Variants in CRB1 observed in about 807,000 individuals in gnomAD.
CRB1 encodes the protein protein crumbs homolog 1.
A neutral mutation model predicts 120.0 loss-of-function variants in CRB1; 83 were observed. That is an observed-to-expected ratio of 0.69 (90% CI 0.58 to 0.83). CRB1 has a LOEUF of 0.83. Ranked by LOEUF, CRB1 falls within the 40% of genes least tolerant of loss-of-function variation. The probability of loss-of-function intolerance (pLI) is 0.00; values close to 1 mark genes in which losing one functional copy is unlikely to be tolerated. For synonymous variants in CRB1, 625 were observed against 612.5 expected, an observed-to-expected ratio of 1.02 and a Z score of -0.30; for missense variants, 1,699 against 1,687.6, an observed-to-expected ratio of 1.01 and a Z score of -0.12.
intron 5 of CRB1, among the ~76,000 whole-genome samples, chr1:197,411,984 C>A (rs899063979): frequency 6.6e-6 from 1 of 152,174 alleles, no homozygotes; most frequent in African/African-American, 2.4e-5. Flanking sequence ...CAGCCTCCCC[C>A]TAGCAGAGCA....
rs972072957 is a variant in CRB1, at chr1:197,345,502, CTTTTTT to C, written c.848+1045_848+1050del. Among the ~76,000 whole-genome samples, 890 of 90,572 alleles carry C rather than the reference CTTTTTT, an allele frequency of 9.8e-3. 5 individuals are homozygous for C. The highest frequency in any genetic ancestry group is 0.014 in the Non-Finnish European group (671 of 48,588). The allele number at this position is 90,572 out of a possible 152,430, so 59.4% of individuals were successfully genotyped here. On this transcript the variant is annotated intron_variant, in intron 3 of 11. Transcript: ENST00000367400. ...CTTCAAAAATTTGCAAAAATAATGA[CTTTTTT>C]TTTTTTTTTTTTTTTTTTGAGATGG...
intron 1 of CRB1, among the ~76,000 whole-genome samples, chr1:197,298,002 A>G (rs1196209514): frequency 6.6e-6 from 1 of 152,028 alleles, no homozygotes; most frequent in East Asian, 1.9e-4. Context: ...GTGAGAATAG[A>G]TGGTGAACAT....
intron 1 of CRB1, among the ~76,000 whole-genome samples, chr1:197,308,910 G>GTA (rs1364786759): frequency 6.7e-6 from 1 of 149,504 alleles, no homozygotes; most frequent in Non-Finnish European, 1.5e-5. Flanking sequence ...ATATATGTGG[G>GTA]TATATATATG....
chr1:197,350,737 G>C (rs747467752), intron 4 of CRB1, among the ~76,000 whole-genome samples: 1 of 152,118 alleles, frequency 6.6e-6, no homozygotes, highest in Non-Finnish European at 1.5e-5. Flanking sequence ...GATCAAAGAG[G>C]CACCATTTTA....
the CRB1 span, among the ~76,000 whole-genome samples, chr1:197,226,068 C>G: frequency 6.6e-6 from 1 of 151,808 alleles, no homozygotes; most frequent in Non-Finnish European, 1.5e-5. Flanking sequence ...GCCCAACTAA[C>G]TTTTGTATCT....
intron 1 of CRB1, among the ~76,000 whole-genome samples, chr1:197,287,624 T>G (rs1248414990): frequency 6.6e-6 from 1 of 151,654 alleles, no homozygotes; most frequent in Non-Finnish European, 1.5e-5. Flanking sequence ...AAAGAAGATG[T>G]TAGAGACAGT....
the CRB1 span, among the ~76,000 whole-genome samples, chr1:197,207,915 T>A: frequency 2.6e-5 from 4 of 151,928 alleles, no homozygotes; most frequent in South Asian, 2.1e-4. Flanking sequence ...GCTCTTTTTT[T>A]AAATTATTTT....
chr1:197,319,724 A>G (rs1421052438), intron 1 of CRB1, among the ~76,000 whole-genome samples: 1 of 152,100 alleles, frequency 6.6e-6, no homozygotes, highest in Non-Finnish European at 1.5e-5. Flanking sequence ...GTTTCCAGCA[A>G]CATAGGAGGA....
intron 5 of CRB1, among the ~76,000 whole-genome samples, chr1:197,376,319 G>A (rs1167035420): frequency 1.3e-5 from 2 of 152,036 alleles, no homozygotes; most frequent in Non-Finnish European, 2.9e-5. Flanking sequence ...TAGCTAAAAT[G>A]ATTTTCAAAC....
Position 197,322,478 on chromosome 1 carries a change from T to G in CRB1, c.71-5944T>G, listed in dbSNP as rs1658259255. On this transcript the variant is annotated intron_variant, in intron 1 of 11. Transcript: ENST00000367400. ...ACTCTGTCTCAAATAATAATAATAA[T>G]AATAATAATAATTTTTATACCAATT... 6.0e-5 allele frequency among the ~76,000 whole-genome samples: 9 copies of G among 151,084 alleles called. No individual in the cohort carries two copies. The South Asian group carries it at 1.9e-3, about 32-fold the overall frequency.
At chr1:197,396,247 T>G (rs1662766165) in intron 5 of CRB1, among the ~76,000 whole-genome samples, 1 of 152,126 alleles carries the variant, frequency 6.6e-6, no homozygotes, top group Non-Finnish European at 1.5e-5. Flanking sequence ...TTAAATGAAA[T>G]AATTAGGTAT....
At chr1:197,387,481 G>T (rs1009725727) in intron 5 of CRB1, among the ~76,000 whole-genome samples, 4 of 151,924 alleles carry the variant, frequency 2.6e-5, no homozygotes, top group African/African-American at 7.2e-5. Context: ...TTAACAGAAA[G>T]TTCCCTGTGC....
chr1:197,348,499 C>T (rs185915382), intron 4 of CRB1, among the ~76,000 whole-genome samples: 1 of 152,092 alleles, frequency 6.6e-6, no homozygotes, highest in East Asian at 1.9e-4. Context: ...TTTTTTGAAA[C>T]GGAGTCTCTC....
intron 11 of CRB1, among the ~76,000 whole-genome samples, chr1:197,463,909 A>G (rs1438980414): frequency 6.6e-6 from 1 of 152,188 alleles, no homozygotes; most frequent in Non-Finnish European, 1.5e-5. Flanking sequence ...TTTGTCATAG[A>G]ATTAATCTAT....
Position 197,478,304 on chromosome 1 carries a change from T to C in CRB1, c.*425T>C, listed in dbSNP as rs1319702156. Reference sequence around the variant, plus strand: ...TACAGGAAAAAATTGGCTACATTTCTCACTTCTCCTATCATGTGGTCAAAG... The same window carrying C: ...TACAGGAAAAAATTGGCTACATTTCCCACTTCTCCTATCATGTGGTCAAAG... On this transcript the variant is annotated 3_prime_UTR_variant, in exon 12 of 12. Transcript: ENST00000367400. 2 of 260,308 alleles carry C rather than the reference T, an allele frequency of 7.7e-6. No homozygotes were observed. The highest frequency in any genetic ancestry group is 4.5e-5 in the African/African-American group (2 of 44,200). 16.1% of individuals were successfully genotyped at this position (260,308 alleles called of 1,614,324 possible). A position where few individuals can be genotyped will look rare whatever the true frequency, so the allele number is the denominator to read the frequency against.
At position 197,288,434 on chromosome 1, in the gene CRB1, T is replaced by C. The variant is rs143820160; in HGVS notation, c.70+19952T>C. Among the ~76,000 whole-genome samples the C allele has an allele frequency of 4.8e-3, 733 of 151,904 alleles. 10 individuals are homozygous for C. Among genetic ancestry groups the C allele is most frequent in the African/African-American group, 0.017 (695 of 41,492 alleles). On this transcript the variant is annotated intron_variant, in intron 1 of 11. Coordinates refer to ENST00000367400, the MANE Select transcript of CRB1 (RefSeq NM_201253.3). ...AGCAAGACTTAAAAGAACCAAACTG[T>C]TTCTAAAAAACTGCATTGCAGAACA...
intron 5 of CRB1, 123 bp from the exon 6 acceptor site, chr1:197,420,877 T>G: frequency 1.4e-6 from 1 of 729,692 alleles, no homozygotes; most frequent in Non-Finnish European, 2.4e-6. Context: ...TACATTTTAC[T>G]CCATTACAGT....
the CRB1 span, among the ~76,000 whole-genome samples, chr1:197,236,322 C>G: frequency 6.6e-6 from 1 of 152,024 alleles, no homozygotes; most frequent in African/African-American, 2.4e-5. Flanking sequence ...GCCTCAGCCT[C>G]CCAAATATTT....
intron 1 of CRB1, among the ~76,000 whole-genome samples, chr1:197,300,569 A>G (rs1175937102): frequency 6.6e-6 from 1 of 152,216 alleles, no homozygotes; most frequent in Non-Finnish European, 1.5e-5. Context: ...AGGTTGGTTC[A>G]TAAGGTTTAA....
Sources: allele counts gnomAD v4.1 joint callset (sites outside exome capture counted in the v4.1 genomes callset), GRCh38; gene constraint gnomAD v4.1.1; transcripts MANE v1.5; gene names NCBI Gene and HGNC (gene_info 2026-07-23, HGNC 2026-07-21).